Variants in DNAH14 observed in about 807,000 individuals in gnomAD.
The protein encoded by DNAH14 is dynein axonemal heavy chain 14, also known as axonemal beta dynein heavy chain 14.
Under a neutral mutation model 520.9 loss-of-function variants are expected in DNAH14, and 478 were observed. The ratio of observed to expected loss-of-function variants is 0.92; its 90% CI spans 0.85 to 0.99. The LOEUF (loss-of-function observed/expected upper bound fraction) is 0.99. DNAH14 is among the 50% of genes least tolerant of loss of function. The probability of loss-of-function intolerance (pLI) is 0.00; values close to 1 mark genes in which losing one functional copy is unlikely to be tolerated. For synonymous variants in DNAH14, 1,581 were observed against 1,757.2 expected, an observed-to-expected ratio of 0.90 and a Z score of 2.51; for missense variants, 4,831 against 5,234.5, an observed-to-expected ratio of 0.92 and a Z score of 2.38.
intron 17 of DNAH14, among the ~76,000 whole-genome samples, chr1:225,056,452 T>C (rs2069109794): frequency 6.6e-6 from 1 of 152,214 alleles, no homozygotes; most frequent in South Asian, 2.1e-4. Flanking sequence ...ATGAGTAGAT[T>C]GCAAAAATTT....
rs769764370 is a variant in DNAH14, at chr1:225,080,366, T to C, written c.2767-13T>C. 18 of 1,507,492 alleles carry C rather than the reference T, an allele frequency of 1.2e-5. No individual in the cohort carries two copies. The highest frequency in any genetic ancestry group is 1.7e-4 in the Middle Eastern group (1 of 5,768). 93.4% of individuals were successfully genotyped at this position (1,507,492 alleles called of 1,614,324 possible). ...ACTGATTTCTCTTAGAAAGTCCTACTCTTATTTTTTAGATAAGAACTCCTC... is the reference window on the plus strand; with the variant it reads ...ACTGATTTCTCTTAGAAAGTCCTACCCTTATTTTTTAGATAAGAACTCCTC... On this transcript the variant is annotated splice_polypyrimidine_tract_variant and intron_variant, in intron 18 of 85. Coordinates refer to ENST00000682510, the MANE Select transcript of DNAH14 (RefSeq NM_001367479.1).
intron 36 of DNAH14, among the ~76,000 whole-genome samples, chr1:225,184,257 C>G (rs2084398144): frequency 6.6e-6 from 1 of 152,126 alleles, no homozygotes. Context: ...AGCCTTGATT[C>G]CTGGGATGCA....
At chr1:224,978,686 G>A (rs1006440401) in intron 8 of DNAH14, among the ~76,000 whole-genome samples, 2 of 151,940 alleles carry the variant, frequency 1.3e-5, no homozygotes, top group Non-Finnish European at 2.9e-5. Flanking sequence ...TTGCCCAGGC[G>A]GCAGTACAGT....
At chr1:225,078,713 T>TA (rs1267145777) in intron 17 of DNAH14, among the ~76,000 whole-genome samples, 1 of 151,078 alleles carries the variant, frequency 6.6e-6, no homozygotes, top group East Asian at 2.0e-4. Flanking sequence ...GTTCTCGTGA[T>TA]AGAGTTCTCA....
At chr1:225,345,920 T>C (rs897576205) in intron 69 of DNAH14, 42 bp from the exon 70 acceptor site, 4 of 1,480,364 alleles carry the variant, frequency 2.7e-6, no homozygotes, top group Non-Finnish European at 3.6e-6. Context: ...CATTTACTGT[T>C]ACAATAGTCT....
At chr1:225,382,456 C>G (rs370612513) in intron 81 of DNAH14, among the ~76,000 whole-genome samples, 9 of 152,142 alleles carry the variant, frequency 5.9e-5, no homozygotes, top group South Asian at 2.1e-4. Flanking sequence ...CTTGTAATCT[C>G]AGCACTTTTG....
chr1:224,930,451 T>C (rs1008209691), intron 1 of DNAH14, among the ~76,000 whole-genome samples: 1 of 152,190 alleles, frequency 6.6e-6, no homozygotes, highest in Non-Finnish European at 1.5e-5. Flanking sequence ...TGTCGCCTAG[T>C]GATGTCATAG....
chr1:225,361,880 A>G (rs1019999877), intron 75 of DNAH14, among the ~76,000 whole-genome samples: 1 of 152,034 alleles, frequency 6.6e-6, no homozygotes, highest in Admixed American at 6.6e-5. Flanking sequence ...CAATCAATCA[A>G]TACTATTATA....
rs528619259 is a variant in DNAH14 at position 225,187,876 on chromosome 1, T to C, written c.5670+2451T>C. 2.0e-5 allele frequency among the ~76,000 whole-genome samples: 3 copies of C among 151,968 alleles called. No individual in the cohort carries two copies. In the South Asian group the frequency reaches 6.2e-4, roughly 31 times the overall value. On this transcript the variant is annotated intron_variant, in intron 37 of 85. Transcript: ENST00000682510. Reference sequence around the variant, plus strand: ...CAGATTGTGATCTGCAAATTTTTTTTCCTGTTTTGTGAGTTCTCTTTTCCC... The same window carrying C: ...CAGATTGTGATCTGCAAATTTTTTTCCCTGTTTTGTGAGTTCTCTTTTCCC...
At chr1:225,354,165 C>T (rs1419476442) in intron 73 of DNAH14, 1 of 702,236 alleles carries the variant, frequency 1.4e-6, no homozygotes, top group Non-Finnish European at 2.6e-6. Context: ...GATTTGTCTG[C>T]CTATAAAGAA....
rs536007973 is a variant in DNAH14 at position 224,940,695 on chromosome 1, C to T, written c.-34+10860C>T. ...CTTCCCCCCACCCCACAACAGGCCC[C>T]GGTGTGTGATGTTCCCCTTCCTGTG... On this transcript the variant is annotated intron_variant, in intron 1 of 85. Coordinates refer to ENST00000682510, the MANE Select transcript of DNAH14 (RefSeq NM_001367479.1). 2.8e-3 allele frequency among the ~76,000 whole-genome samples: 429 copies of T among 151,486 alleles called. 3 individuals are homozygous for T. Among genetic ancestry groups the T allele is most frequent in the Admixed American group, 0.013 (190 of 15,176 alleles).
chr1:224,948,346 CTCTT>C (rs890999454), intron 1 of DNAH14, among the ~76,000 whole-genome samples: 33 of 151,392 alleles, frequency 2.2e-4, no homozygotes, highest in African/African-American at 7.5e-4. Context: ...TATCTAGTGA[CTCTT>C]TCTGCTTGAG....
rs562693788 is a variant in DNAH14 at position 225,001,429 on chromosome 1, T to C, written c.831-1354T>C. On this transcript the variant is annotated intron_variant, in intron 8 of 85. Coordinates refer to ENST00000682510, the MANE Select transcript of DNAH14 (RefSeq NM_001367479.1). Reference sequence around the variant, plus strand: ...AGTTCTAGTTTGTGTGTGAGTTATGTTGTGGAGAATGTATTTTGTTTTCTT... The same window carrying C: ...AGTTCTAGTTTGTGTGTGAGTTATGCTGTGGAGAATGTATTTTGTTTTCTT... Among the ~76,000 whole-genome samples the C allele has an allele frequency of 2.0e-5, 3 of 152,260 alleles. No homozygotes were observed. In the East Asian group the frequency reaches 5.8e-4, roughly 29 times the overall value.
chr1:225,335,422 TGCACGTGTGTACATGTGTGTGTATGC>T lies in DNAH14; in HGVS notation c.10081-1843_10081-1818del, dbSNP rs1400965727. On this transcript the variant is annotated intron_variant, in intron 66 of 85. Transcript: ENST00000682510. ...GTGTACATGTGTGTGTATGCACATA[TGCACGTGTGTACATGTGTGTGTATGC>T]ACATATGCACGTGTGTACATGTGTG... 3.8e-5 allele frequency among the ~76,000 whole-genome samples: 5 copies of T among 132,900 alleles called. 1 individual carries two copies. The highest frequency in any genetic ancestry group is 1.5e-4 in the Admixed American group (2 of 13,760). The allele number at this position is 132,900 out of a possible 152,430, so 87.2% of individuals were successfully genotyped here.
intron 15 of DNAH14, among the ~76,000 whole-genome samples, chr1:225,049,328 T>G (rs2148291678): frequency 6.6e-6 from 1 of 152,184 alleles, no homozygotes; most frequent in African/African-American, 2.4e-5. Flanking sequence ...CCCAAAGTGC[T>G]GGGATTACAT....
intron 27 of DNAH14, among the ~76,000 whole-genome samples, chr1:225,137,270 T>A (rs956557556): frequency 6.6e-6 from 1 of 152,190 alleles, no homozygotes; most frequent in Non-Finnish European, 1.5e-5. Flanking sequence ...TTTGTGGGCT[T>A]ATCTACCTTT....
intron 54 of DNAH14, among the ~76,000 whole-genome samples, chr1:225,281,774 T>C (rs1267596054): frequency 6.6e-6 from 1 of 152,136 alleles, no homozygotes; most frequent in Non-Finnish European, 1.5e-5. Context: ...ACTGGAATTA[T>C]TAGTATTAAT....
At chr1:225,394,352 TTTC>T (rs1273940207) in intron 84 of DNAH14, among the ~76,000 whole-genome samples, 1 of 152,218 alleles carries the variant, frequency 6.6e-6, no homozygotes, top group Non-Finnish European at 1.5e-5. Flanking sequence ...TCCAAATCAC[TTTC>T]TTAATGGTGT....
chr1:225,077,064 C>G (rs1400817868), intron 17 of DNAH14, among the ~76,000 whole-genome samples: 5 of 152,126 alleles, frequency 3.3e-5, no homozygotes, highest in African/African-American at 1.2e-4. Flanking sequence ...TGTTCTCACT[C>G]ATAGGTGGGA....
Sources: gnomAD v4.1 joint callset for allele counts (sites outside exome capture counted in the v4.1 genomes callset) on GRCh38, gnomAD v4.1.1 for gene constraint, MANE v1.5 for transcripts, NCBI Gene and HGNC (gene_info 2026-07-23, HGNC 2026-07-21) for gene names.